UPRT: variants seen among roughly 807,000 people sequenced by gnomAD.
UPRT encodes the protein uracil phosphoribosyltransferase homolog.
In UPRT, 5 loss-of-function variants were observed where a neutral mutation model predicts 22.6. The observed-to-expected ratio is 0.22, with a 90% CI of 0.12 to 0.47. The LOEUF (loss-of-function observed/expected upper bound fraction) is 0.47. Among genes scored for constraint, UPRT ranks in the 20% least tolerant of loss-of-function variants. UPRT has a pLI of 0.99. For synonymous variants in UPRT, 77 were observed against 87.7 expected (o/e 0.88, Z 0.68); for missense variants, 181 against 239.9 (o/e 0.75, Z 1.62).
intron 4 of UPRT, among the ~76,000 whole-genome samples, chrX:75,228,215 A>G (rs2082428705): frequency 8.9e-6 from 1 of 112,050 alleles, no homozygotes; most frequent in Non-Finnish European, 1.9e-5. Context: ...AGATGTTTCA[A>G]ATTGAGGCAA....
At chrX:75,202,760 G>A (rs2082350499) in intron 4 of UPRT, 1 of 111,875 alleles carries the variant, frequency 8.9e-6, no homozygotes, top group South Asian at 3.7e-4. Flanking sequence ...AGATTAGCAT[G>A]TCCATTGTGC....
At chrX:75,195,052 G>A (rs2082329030) in intron 4 of UPRT, among the ~76,000 whole-genome samples, 1 of 110,970 alleles carries the variant, frequency 9.0e-6, no homozygotes, top group South Asian at 3.9e-4. Context: ...GAAGGAGGGG[G>A]AAAGTTTCAC....
intron 4 of UPRT, among the ~76,000 whole-genome samples, chrX:75,180,703 T>TTTG (rs2082267413): frequency 1.1e-5 from 1 of 94,550 alleles, no homozygotes; most frequent in Admixed American, 1.2e-4. Context: ...TTGTTTTTTT[T>TTTG]TTTTTTTTTT....
intron 4 of UPRT, among the ~76,000 whole-genome samples, chrX:75,183,530 A>G (rs1291150039): frequency 8.9e-6 from 1 of 112,040 alleles, no homozygotes; most frequent in Non-Finnish European, 1.9e-5. Context: ...TCCTTTGGGT[A>G]TATACCCAGT....
In UPRT at chrX:75,198,394, A is replaced by G. The variant is rs1323609638; in HGVS notation, c.-447+30515A>G. ...TTTCCAAAAGTATGCAATTAAGATT[A>G]GTGTAATTCAGTGCAGGTACATTTT... On this transcript the variant is annotated intron_variant, in intron 4 of 13. Coordinates refer to the UPRT transcript ENST00000652605. Among the ~76,000 whole-genome samples the G allele has an allele frequency of 6.2e-5, 7 of 112,407 alleles. No homozygotes were observed. The East Asian group carries it at 2.0e-3, about 31-fold the overall frequency.
chrX:75,279,316 A>G (rs1347379957), intron 1 of UPRT, among the ~76,000 whole-genome samples: 1 of 111,418 alleles, frequency 9.0e-6, no homozygotes, highest in African/African-American at 3.3e-5. Context: ...AAAAACTGTG[A>G]CGTGCAAATT....
intron 4 of UPRT, among the ~76,000 whole-genome samples, chrX:75,218,048 A>C (rs1291753791): frequency 3.0e-4 from 34 of 111,913 alleles, no homozygotes; most frequent in Non-Finnish European, 5.3e-4. Flanking sequence ...GGATCTAATT[A>C]AACTAAAGAG....
intron 4 of UPRT, among the ~76,000 whole-genome samples, chrX:75,195,509 G>A (rs184530522): frequency 0.013 from 1,470 of 112,043 alleles, 17 homozygotes; most frequent in African/African-American, 0.045. Context: ...CAAACCCTCA[G>A]AGCTCTGCAC....
At chrX:75,211,922 G>T (rs1294974420) in intron 4 of UPRT, among the ~76,000 whole-genome samples, 1 of 111,546 alleles carries the variant, frequency 9.0e-6, no homozygotes, top group East Asian at 2.8e-4. Context: ...TTATAGGCTT[G>T]GGCAATTCAT....
intron 4 of UPRT, among the ~76,000 whole-genome samples, chrX:75,239,056 G>T (rs1030575750): frequency 9.0e-5 from 10 of 110,900 alleles, no homozygotes; most frequent in Non-Finnish European, 1.9e-4. Context: ...CAATGAACTA[G>T]AGAAACAAGA....
chrX:75,239,652 G>C (rs992995450), intron 4 of UPRT, among the ~76,000 whole-genome samples: 1 of 110,922 alleles, frequency 9.0e-6, no homozygotes, highest in African/African-American at 3.3e-5. Flanking sequence ...AACAAAAAAA[G>C]AATACTACAG....
At chrX:75,236,551 C>T (rs954029167) in intron 4 of UPRT, among the ~76,000 whole-genome samples, 5 of 111,720 alleles carry the variant, frequency 4.5e-5, no homozygotes, top group African/African-American at 1.6e-4. Context: ...TCAAACTATA[C>T]TACAAGGCTA....
chrX:75,205,227 G>A (rs772083228), intron 4 of UPRT, among the ~76,000 whole-genome samples: 5 of 107,941 alleles, frequency 4.6e-5, no homozygotes, highest in Admixed American at 2.9e-4. Flanking sequence ...AAAATTAGCC[G>A]GGCGCGGTGG....
At chrX:75,187,372 G>A (rs944478408) in intron 4 of UPRT, among the ~76,000 whole-genome samples, 1 of 111,696 alleles carries the variant, frequency 9.0e-6, no homozygotes, top group Admixed American at 9.5e-5. Flanking sequence ...CTGGCTTGTA[G>A]AGTTTCTGCC....
At chrX:75,191,605 C>T (rs1458720458) in intron 4 of UPRT, among the ~76,000 whole-genome samples, 1 of 112,168 alleles carries the variant, frequency 8.9e-6, no homozygotes, top group Non-Finnish European at 1.9e-5. Flanking sequence ...CTGTGGTGGG[C>T]TCCACCCAGT....
intron 1 of UPRT, among the ~76,000 whole-genome samples, chrX:75,280,669 T>G (rs904126301): frequency 1.5e-4 from 17 of 112,167 alleles, no homozygotes; most frequent in Admixed American, 1.4e-3. Flanking sequence ...TTTTGATGAC[T>G]GTGGCCTTAT....
intron 4 of UPRT, among the ~76,000 whole-genome samples, chrX:75,195,126 A>T (rs769431891): frequency 3.6e-5 from 4 of 111,859 alleles, no homozygotes; most frequent in Non-Finnish European, 7.5e-5. Context: ...GTGTGTAGGT[A>T]AAGTGGCATG....
chrX:75,162,748 C>A (rs934256354), intron 2 of UPRT, among the ~76,000 whole-genome samples: 3 of 111,363 alleles, frequency 2.7e-5, no homozygotes, highest in Non-Finnish European at 5.7e-5. Context: ...GCCTCTCTGG[C>A]AGAATCAGAT....
At chrX:75,201,128 A>G (rs1056606618) in intron 4 of UPRT, among the ~76,000 whole-genome samples, 4 of 112,120 alleles carry the variant, frequency 3.6e-5, no homozygotes, top group Non-Finnish European at 7.5e-5. Context: ...ACATCTTCTG[A>G]CCTTTGTCTC....
Sources: gnomAD v4.1 joint callset for allele counts (sites outside exome capture counted in the v4.1 genomes callset) on GRCh38, gnomAD v4.1.1 for gene constraint, MANE v1.5 for transcripts, NCBI Gene and HGNC (gene_info 2026-07-23, HGNC 2026-07-21) for gene names.